The following SLC8A1 variants were observed in gnomAD, a reference collection of about 807,000 sequenced individuals.
SLC8A1 encodes the protein solute carrier family 8 member A1.
A neutral mutation model predicts 68.3 loss-of-function variants in SLC8A1; 18 were observed. That is an observed-to-expected ratio of 0.26 (90% CI 0.18 to 0.39). SLC8A1 has a LOEUF of 0.39. SLC8A1 is among the 10% of genes least tolerant of loss of function. SLC8A1 has a pLI of 1.00. For missense variants in SLC8A1, 985 were observed against 1,156.7 expected (o/e 0.85, Z 2.15); for synonymous variants, 475 against 415.5 (o/e 1.14, Z -1.74).
intron 2 of SLC8A1, among the ~76,000 whole-genome samples, chr2:40,234,296 C>G (rs2060073268): frequency 6.6e-6 from 1 of 151,438 alleles, no homozygotes; most frequent in Non-Finnish European, 1.5e-5. Context: ...TTGTAGTTCT[C>G]CTTGAAGAGG....
chr2:40,346,495 G>C (rs1158022534), intron 2 of SLC8A1, among the ~76,000 whole-genome samples: 1 of 152,124 alleles, frequency 6.6e-6, no homozygotes, highest in Non-Finnish European at 1.5e-5. Flanking sequence ...GGCTACAGCA[G>C]TATTCCTCCT....
At chr2:40,392,416 A>AATATCTTG (rs966113835) in intron 2 of SLC8A1, among the ~76,000 whole-genome samples, 5 of 152,004 alleles carry the variant, frequency 3.3e-5, no homozygotes, top group African/African-American at 1.2e-4. Context: ...TTTTCAAGAA[A>AATATCTTG]GGAAGAGAAA....
At chr2:40,226,965 A>T (rs1574348067) in intron 2 of SLC8A1, among the ~76,000 whole-genome samples, 1 of 152,070 alleles carries the variant, frequency 6.6e-6, no homozygotes, top group East Asian at 1.9e-4. Flanking sequence ...AGAGCTAGAA[A>T]ATGATCACAA....
intron 2 of SLC8A1, among the ~76,000 whole-genome samples, chr2:40,201,947 G>T (rs929684451): frequency 6.6e-6 from 1 of 151,940 alleles, no homozygotes; most frequent in African/African-American, 2.4e-5. Flanking sequence ...GCACATGGAG[G>T]ATTTCAACAC....
At chr2:40,448,442 G>C (rs909695917) in intron 1 of SLC8A1, among the ~76,000 whole-genome samples, 1 of 152,106 alleles carries the variant, frequency 6.6e-6, no homozygotes, top group African/African-American at 2.4e-5. Context: ...CCATCCCAAT[G>C]GGTCAGAAAA....
At chr2:40,503,168 A>C (rs529101345) in intron 1 of SLC8A1, among the ~76,000 whole-genome samples, 34 of 152,090 alleles carry the variant, frequency 2.2e-4, no homozygotes, top group African/African-American at 8.2e-4. Context: ...ACAACAAAGC[A>C]CCTTTTGTAA....
rs192798534 is a variant in SLC8A1, at chr2:40,503,454, C to A, written c.-25+8895G>T. On this transcript the variant is annotated intron_variant, in intron 1 of 7. Transcript: ENST00000402441. ...TTCAACATAGTGCTAGAAGTCCTATCTAGAGCAATCAGACAACAGAAGGAT... is the reference window on the plus strand; with the variant it reads ...TTCAACATAGTGCTAGAAGTCCTATATAGAGCAATCAGACAACAGAAGGAT... Among the ~76,000 whole-genome samples, 166 of 152,106 alleles carry A rather than the reference C, an allele frequency of 1.1e-3. 2 individuals carry two copies. Among genetic ancestry groups the A allele is most frequent in the African/African-American group, 3.8e-3 (158 of 41,534 alleles).
At chr2:40,373,780 G>T (rs964862728) in intron 2 of SLC8A1, among the ~76,000 whole-genome samples, 2 of 152,038 alleles carry the variant, frequency 1.3e-5, no homozygotes, top group Non-Finnish European at 2.9e-5. Flanking sequence ...CAGGTGGCAT[G>T]AGAGTACTGA....
chr2:40,257,833 G>A (rs1290368194), intron 2 of SLC8A1, among the ~76,000 whole-genome samples: 3 of 152,166 alleles, frequency 2.0e-5, no homozygotes, highest in Non-Finnish European at 2.9e-5. Context: ...CTTCCTATCT[G>A]GTTGGATGGC....
chr2:40,489,430 A>G (rs1431706757), intron 1 of SLC8A1, among the ~76,000 whole-genome samples: 1 of 152,094 alleles, frequency 6.6e-6, no homozygotes, highest in Non-Finnish European at 1.5e-5. Flanking sequence ...AAGGCAGAAA[A>G]AAGAGAAAGG....
intron 2 of SLC8A1, among the ~76,000 whole-genome samples, chr2:40,338,238 G>GCT (rs1666618963): frequency 6.6e-6 from 1 of 152,138 alleles, no homozygotes; most frequent in Non-Finnish European, 1.5e-5. Context: ...AGCAAGAGAA[G>GCT]CCTGGACATC....
chr2:40,382,628 T>A (rs1218407885), intron 2 of SLC8A1, among the ~76,000 whole-genome samples: 1 of 151,406 alleles, frequency 6.6e-6, no homozygotes, highest in Non-Finnish European at 1.5e-5. Context: ...GCAAAATATG[T>A]ATGAACTCTG....
intron 2 of SLC8A1, among the ~76,000 whole-genome samples, chr2:40,387,271 T>C (rs1182852414): frequency 6.6e-6 from 1 of 151,450 alleles, no homozygotes; most frequent in Non-Finnish European, 1.5e-5. Flanking sequence ...AGAGAAATGC[T>C]GCAAGTATAG....
At chr2:40,290,237 G>A (rs889508404) in intron 2 of SLC8A1, among the ~76,000 whole-genome samples, 8 of 150,968 alleles carry the variant, frequency 5.3e-5, no homozygotes, top group Admixed American at 2.0e-4. Context: ...AACGCAGTAC[G>A]AAAGGCAAAT....
At chr2:40,357,301 G>A (rs1388079558) in intron 2 of SLC8A1, among the ~76,000 whole-genome samples, 2 of 151,966 alleles carry the variant, frequency 1.3e-5, no homozygotes, top group Non-Finnish European at 2.9e-5. Flanking sequence ...AGACCAGACT[G>A]GGCAACATAG....
intron 2 of SLC8A1, among the ~76,000 whole-genome samples, chr2:40,244,363 A>C (rs754750700): frequency 6.6e-6 from 1 of 152,052 alleles, no homozygotes; most frequent in Non-Finnish European, 1.5e-5. Flanking sequence ...AAATTTCCCA[A>C]CAACACTAAG....
intron 2 of SLC8A1, among the ~76,000 whole-genome samples, chr2:40,200,196 A>ATATATAAATATATATATATATT (rs2053936960): frequency 2.5e-4 from 6 of 24,312 alleles, no homozygotes; most frequent in African/African-American, 1.0e-3. Context: ...ATATATTTAT[A>ATATATAAATATATATATATATT]TATATATATA....
chr2:40,286,150 A>G (rs1244297855), intron 2 of SLC8A1, among the ~76,000 whole-genome samples: 8 of 152,186 alleles, frequency 5.3e-5, no homozygotes, highest in Admixed American at 5.2e-4. Flanking sequence ...GTCAATGAAT[A>G]TAATTCCCTA....
At chr2:40,181,657 A>C (rs2049589814) in intron 2 of SLC8A1, among the ~76,000 whole-genome samples, 1 of 152,222 alleles carries the variant, frequency 6.6e-6, no homozygotes, top group African/African-American at 2.4e-5. Context: ...AGTGGATCTA[A>C]AGTGGCAGGA....
Sources: gnomAD v4.1 joint callset for allele counts (sites outside exome capture counted in the v4.1 genomes callset) on GRCh38, gnomAD v4.1.1 for gene constraint, MANE v1.5 for transcripts, NCBI Gene and HGNC (gene_info 2026-07-23, HGNC 2026-07-21) for gene names.